The following SGCZ variants were observed in gnomAD, a reference collection of about 807,000 sequenced individuals.
The protein encoded by SGCZ is sarcoglycan zeta.
Under a neutral mutation model 41.3 loss-of-function variants are expected in SGCZ, and 40 were observed. The ratio of observed to expected loss-of-function variants is 0.97; its 90% CI spans 0.75 to 1.26. The LOEUF (loss-of-function observed/expected upper bound fraction) is 1.26. SGCZ is among the 50% of genes most tolerant of loss of function. The pLI, the probability that SGCZ is intolerant of heterozygous loss-of-function variation, is 0.00. For synonymous variants in SGCZ, 206 were observed against 137.5 expected, an observed-to-expected ratio of 1.50 and a Z score of -3.49; for missense variants, 552 against 369.8, an observed-to-expected ratio of 1.49 and a Z score of -4.04.
At chr8:14,399,178 T>G (rs1799002661) in intron 2 of SGCZ, among the ~76,000 whole-genome samples, 2 of 152,130 alleles carry the variant, frequency 1.3e-5, no homozygotes, top group Admixed American at 6.6e-5. Flanking sequence ...GTTGTGTATC[T>G]TTCATCAGAT....
At chr8:15,143,842 A>G (rs1186533319) in intron 1 of SGCZ, among the ~76,000 whole-genome samples, 1 of 560 alleles carries the variant, frequency 1.8e-3, no homozygotes, top group African/African-American at 1.8e-3. Flanking sequence ...GCAGTGGCGC[A>G]ATCTCGGCTC....
At chr8:14,398,800 G>A (rs1359278012) in intron 2 of SGCZ, among the ~76,000 whole-genome samples, 2 of 152,048 alleles carry the variant, frequency 1.3e-5, no homozygotes, top group African/African-American at 4.8e-5. Context: ...ACCTGGTGTT[G>A]GTTAGACTAG....
At chr8:14,546,444 G>A (rs1334936345) in intron 2 of SGCZ, among the ~76,000 whole-genome samples, 2 of 152,092 alleles carry the variant, frequency 1.3e-5, no homozygotes, top group African/African-American at 4.8e-5. Context: ...GCAATCACAG[G>A]GATAAAATAG....
chr8:14,655,250 A>C (rs1303865462), intron 1 of SGCZ, among the ~76,000 whole-genome samples: 1 of 151,060 alleles, frequency 6.6e-6, no homozygotes, highest in African/African-American at 2.5e-5. Flanking sequence ...GTCTTTACCA[A>C]ATCTTGAATG....
At chr8:14,709,272 C>T (rs989656740) in intron 1 of SGCZ, among the ~76,000 whole-genome samples, 22 of 152,260 alleles carry the variant, frequency 1.4e-4, no homozygotes, top group African/African-American at 4.1e-4. Context: ...ATTTGATCTT[C>T]GTCTTGATCT....
intron 1 of SGCZ, among the ~76,000 whole-genome samples, chr8:15,032,092 C>T (rs1247170542): frequency 6.6e-6 from 1 of 152,104 alleles, no homozygotes; most frequent in African/African-American, 2.4e-5. Context: ...TCAGTGTCCT[C>T]ATTCTAAAAT....
intron 2 of SGCZ, among the ~76,000 whole-genome samples, chr8:14,480,450 TTCTC>T (rs1801504247): frequency 6.6e-6 from 1 of 152,140 alleles, no homozygotes; most frequent in African/African-American, 2.4e-5. Flanking sequence ...TTTCCTAAAT[TTCTC>T]TATTATTTCA....
intron 1 of SGCZ, among the ~76,000 whole-genome samples, chr8:15,000,455 A>C (rs1802375716): frequency 6.6e-6 from 1 of 152,120 alleles, no homozygotes; most frequent in Admixed American, 6.6e-5. Flanking sequence ...TTTAATGAAA[A>C]TTATTGTCTA....
intron 6 of SGCZ, among the ~76,000 whole-genome samples, chr8:14,104,185 T>TAGTC (rs1368110880): frequency 3.9e-5 from 6 of 152,202 alleles, no homozygotes; most frequent in African/African-American, 1.4e-4. Flanking sequence ...TCTATGTAAT[T>TAGTC]AGTCAGTGAA....
chr8:15,069,040 T>C (rs886906059), intron 1 of SGCZ, among the ~76,000 whole-genome samples: 2 of 152,206 alleles, frequency 1.3e-5, no homozygotes, highest in African/African-American at 2.4e-5. Context: ...GGGCTACTGC[T>C]GAAGTTAAAG....
intron 1 of SGCZ, among the ~76,000 whole-genome samples, chr8:14,699,998 T>C (rs1163177588): frequency 3.3e-5 from 5 of 151,964 alleles, no homozygotes; most frequent in African/African-American, 1.2e-4. Context: ...TTTTATAACA[T>C]TGTTGGCAGA....
chr8:14,980,473 T>C (rs941995875), intron 1 of SGCZ, among the ~76,000 whole-genome samples: 2 of 152,218 alleles, frequency 1.3e-5, no homozygotes, highest in Non-Finnish European at 2.9e-5. Context: ...TGTTTTCACG[T>C]TGCTGATGAA....
intron 1 of SGCZ, among the ~76,000 whole-genome samples, chr8:15,054,213 T>C (rs73522828): frequency 0.047 from 7,193 of 152,278 alleles, 181 homozygotes; most frequent in Non-Finnish European, 0.057. Context: ...ATTTTCAAAA[T>C]CATCTCAACA....
chr8:14,708,983 G>C (rs1189239374), intron 1 of SGCZ, among the ~76,000 whole-genome samples: 1 of 152,018 alleles, frequency 6.6e-6, no homozygotes, highest in Admixed American at 6.6e-5. Context: ...TGTTCATCTT[G>C]ACCCAATTTA....
intron 7 of SGCZ, among the ~76,000 whole-genome samples, chr8:14,100,983 C>T (rs564325017): frequency 6.3e-4 from 95 of 151,806 alleles, no homozygotes; most frequent in Non-Finnish European, 1.2e-3. Flanking sequence ...AGCAATACAA[C>T]AGATTTACAC....
intron 1 of SGCZ, among the ~76,000 whole-genome samples, chr8:15,119,348 T>C (rs990256321): frequency 2.0e-5 from 3 of 151,822 alleles, no homozygotes; most frequent in Non-Finnish European, 2.9e-5. Flanking sequence ...CTAGACAATA[T>C]GGTGAAACCT....
At chr8:15,044,767 G>T (rs1450949037) in intron 1 of SGCZ, among the ~76,000 whole-genome samples, 1 of 152,046 alleles carries the variant, frequency 6.6e-6, no homozygotes, top group Admixed American at 6.6e-5. Context: ...CCTGGTGAGG[G>T]GTGGGTAGGG....
At position 14,227,345 on chromosome 8, in the gene SGCZ, G is replaced by A. The variant is rs1282901788; in HGVS notation, c.424+10247C>T. ...AACATGTTCTAATTCCTTTGGGAAG[G>A]GTAAAGGAAGGAAAGACATTAAACA... On this transcript the variant is annotated intron_variant, in intron 4 of 7. Coordinates refer to ENST00000382080, the MANE Select transcript of SGCZ (RefSeq NM_139167.4). Among the ~76,000 whole-genome samples the A allele has an allele frequency of 6.6e-5, 10 of 152,142 alleles. No individual in the cohort carries two copies. The South Asian group carries it at 1.9e-3, about 28-fold the overall frequency.
chr8:15,016,886 G>C (rs1418651903), intron 1 of SGCZ, among the ~76,000 whole-genome samples: 2 of 151,954 alleles, frequency 1.3e-5, no homozygotes, highest in Admixed American at 6.6e-5. Flanking sequence ...GAGAGAGAGA[G>C]AAATGATGTG....
Sources: gnomAD v4.1 joint callset for allele counts (sites outside exome capture counted in the v4.1 genomes callset) on GRCh38, gnomAD v4.1.1 for gene constraint, MANE v1.5 for transcripts, NCBI Gene and HGNC (gene_info 2026-07-23, HGNC 2026-07-21) for gene names.